PCSK7: variants seen among roughly 807,000 people sequenced by gnomAD.
PCSK7 encodes the protein lymphoma proprotein convertase.
Under a neutral mutation model 73.3 loss-of-function variants are expected in PCSK7, and 38 were observed. That is an observed-to-expected ratio of 0.52 (90% CI 0.40 to 0.68). The LOEUF (loss-of-function observed/expected upper bound fraction) is 0.68. Among genes scored for constraint, PCSK7 ranks in the 30% least tolerant of loss-of-function variants. The pLI is 0.00. For missense variants in PCSK7, 692 were observed against 991.5 expected (o/e 0.70, Z 4.06); for synonymous variants, 296 against 383.8 (o/e 0.77, Z 2.68).
At chr11:117,229,056 A>G (rs2032538505) in intron 3 of PCSK7, among the ~76,000 whole-genome samples, 2 of 152,188 alleles carry the variant, frequency 1.3e-5, no homozygotes. Flanking sequence ...GGTAGGCACT[A>G]TTACAATCTC....
At chr11:117,219,853 A>AG in intron 9 of PCSK7, 95 bp from the exon 10 acceptor site, 2 of 885,706 alleles carry the variant, frequency 2.3e-6, no homozygotes, top group Non-Finnish European at 3.3e-6. Context: ...TGGGAGGCCC[A>AG]GGCAGGAGGA....
chr11:117,216,078 A>G (rs963852023), intron 12 of PCSK7: 4 of 151,982 alleles, frequency 2.6e-5, no homozygotes, highest in Non-Finnish European at 5.9e-5. Context: ...GAGCGTAAAC[A>G]ATGCTCCTGC....
intron 6 of PCSK7, 93 bp downstream of exon 6, chr11:117,225,838 C>T (rs2032400672): frequency 1.3e-6 from 1 of 787,806 alleles, no homozygotes; most frequent in Non-Finnish European, 2.3e-6. Context: ...GACCCCTGCT[C>T]CGGCCTAAGT....
At position 117,215,364 on chromosome 11, in the gene PCSK7, T is replaced by TTTTTGTGTGTGTGTGTGTGTGTGTGTGTG. The variant is rs57433360; in HGVS notation, c.1534+3101_1534+3102insCACACACACACACACACACACACACAAAA. 9 of 84,920 alleles carry TTTTTGTGTGTGTGTGTGTGTGTGTGTGTG rather than the reference T, an allele frequency of 1.1e-4. 1 individual carries two copies. Among genetic ancestry groups the TTTTTGTGTGTGTGTGTGTGTGTGTGTGTG allele is most frequent in the Non-Finnish European group, 1.4e-4 (7 of 50,560 alleles). The allele number at this position is 84,920 out of a possible 1,614,324, so 5.3% of individuals were successfully genotyped here. A position where few individuals can be genotyped will look rare whatever the true frequency, so the allele number is the denominator to read the frequency against. On this transcript the variant is annotated intron_variant, in intron 12 of 16. Transcript: ENST00000320934. Reference sequence around the variant, plus strand: ...GCACGTGCCACCATGCCTGGCTAATTTGTGTGTGTGTGTGTGTATATATAT... The same window carrying TTTTTGTGTGTGTGTGTGTGTGTGTGTGTG: ...GCACGTGCCACCATGCCTGGCTAATTTTTTGTGTGTGTGTGTGTGTGTGTGTGTGTGTGTGTGTGTGTGTGTATATATAT...
At position 117,227,196 on chromosome 11, in the gene PCSK7, A is replaced by G. The variant is rs761703544; in HGVS notation, c.730T>C (p.Phe244Leu). 2 of 1,611,074 alleles carry G rather than the reference A, an allele frequency of 1.2e-6. No homozygotes were observed. The highest frequency in any genetic ancestry group is 3.4e-5 in the Admixed American group (2 of 59,560). Residue 244 changes from phenylalanine (F) to leucine (L), a missense_variant, in exon 5 of 17, where the codon TTC becomes CTC. Physicochemically the swap from Phe to Leu is conservative, Grantham distance 22 (BLOSUM62 0). This residue lies in a region of PCSK7 where 574 missense variants were observed against 689.8 expected (regional missense o/e 0.83). Coordinates refer to ENST00000320934, the MANE Select transcript of PCSK7 (RefSeq NM_004716.4). ...GEIAAVPNNS[F>L]CAVGVAYGSR... ...CCGTAGGCCACGCCCACGGCACAGA[A>G]GCTGTTGTTGGGCACAGCCGCGATC...
At chr11:117,225,644 G>A (rs1233570442) in intron 6 of PCSK7, 2 of 436,422 alleles carry the variant, frequency 4.6e-6, no homozygotes, top group Non-Finnish European at 4.2e-6. Flanking sequence ...CCTGTGGATG[G>A]AGAAGAAAGC....
At chr11:117,224,879 C>T in intron 6 of PCSK7, 124 bp from the exon 7 acceptor site, 2 of 741,316 alleles carry the variant, frequency 2.7e-6, no homozygotes, top group Non-Finnish European at 4.9e-6. Context: ...AAGGGTTCCA[C>T]TTAAAGGCTT....
At chr11:117,217,959 G>A (rs2032050730) in intron 12 of PCSK7, 1 of 152,400 alleles carries the variant, frequency 6.6e-6, no homozygotes, top group Non-Finnish European at 1.5e-5. Flanking sequence ...CGGAGGCAGA[G>A]GATGGGTCAC....
intron 1 of PCSK7, among the ~76,000 whole-genome samples, chr11:117,231,536 G>C (rs114049647): frequency 6.6e-6 from 1 of 152,176 alleles, no homozygotes; most frequent in African/African-American, 2.4e-5. Flanking sequence ...ACAGATGTCA[G>C]GAAGAAAGAG....
At chr11:117,209,847 G>GAAA in intron 12 of PCSK7, 1 of 136,216 alleles carries the variant, frequency 7.3e-6, no homozygotes, top group Non-Finnish European at 1.6e-5. Context: ...CTGTCTCAAA[G>GAAA]AAAAAAAAAA....
Position 117,229,850 on chromosome 11 carries a change from C to T in PCSK7, c.-6G>A. ...TTCTGCCTCCCCTTCGGCATCAGAG[C>T]AGTGGACTGCAGACAAAGAAAAAGG... On this transcript the variant is annotated 5_prime_UTR_variant, in exon 3 of 17. Coordinates refer to ENST00000320934, the MANE Select transcript of PCSK7 (RefSeq NM_004716.4). 1 of 1,501,296 alleles carries T rather than the reference C, an allele frequency of 6.7e-7. No individual in the cohort carries two copies. Among genetic ancestry groups the T allele is most frequent in the Non-Finnish European group, 8.9e-7 (1 of 1,117,650 alleles). The allele number at this position is 1,501,296 out of a possible 1,614,324, so 93.0% of individuals were successfully genotyped here. A position where few individuals can be genotyped will look rare whatever the true frequency, so the allele number is the denominator to read the frequency against.
At chr11:117,216,373 C>T (rs2031982049) in intron 12 of PCSK7, 1 of 151,982 alleles carries the variant, frequency 6.6e-6, no homozygotes, top group African/African-American at 2.4e-5. Context: ...TGGAAAACAA[C>T]CATAACTTGG....
rs149112096 is a variant in PCSK7 at position 117,226,887 on chromosome 11, C to T, written c.769+270G>A. The T allele has an allele frequency of 2.4e-3, 909 of 374,972 alleles. 4 individuals are homozygous for T. The highest frequency in any genetic ancestry group is 9.4e-3 in the South Asian group (231 of 24,492). The allele number at this position is 374,972 out of a possible 1,614,324, so 23.2% of individuals were successfully genotyped here. ...GAAATGCAAAGGCTGCCACCATAGA[C>T]GTATCGGATCATAGAGGAAAAACCG... On this transcript the variant is annotated intron_variant, in intron 5 of 16. Coordinates refer to ENST00000320934, the MANE Select transcript of PCSK7 (RefSeq NM_004716.4).
At chr11:117,216,726 G>C (rs932590509) in intron 12 of PCSK7, 1 of 152,016 alleles carries the variant, frequency 6.6e-6, no homozygotes, top group African/African-American at 2.4e-5. Context: ...AGGGCACCTG[G>C]CTCAACTCTC....
intron 6 of PCSK7, chr11:117,225,058 T>A (rs979034245): frequency 4.5e-6 from 1 of 220,056 alleles, no homozygotes; most frequent in Non-Finnish European, 8.9e-6. Flanking sequence ...TGTAGACCTT[T>A]TTTTTTTTTT....
In PCSK7 at chr11:117,206,099, C is replaced by G; in HGVS notation, c.2256G>C (p.Leu752=). ...PTTSDLLAPD[L]LEQGDWSLSQ... ...ACAGGCTCCAGTCCCCTTGCTCCAG[C>G]AGGTCTGGGGCAAGGAGGTCAGAGG... Residue 752 remains leucine, a synonymous_variant, in exon 17 of 17, where the codon CTG becomes CTC. Transcript: ENST00000320934. 6.4e-7 allele frequency: 1 copy of G among 1,570,690 alleles called. No homozygotes were observed. Among genetic ancestry groups the G allele is most frequent in the Non-Finnish European group, 8.7e-7 (1 of 1,146,836 alleles).
At position 117,218,526 on chromosome 11, in the gene PCSK7, C is replaced by T. The variant is rs143770986; in HGVS notation, c.1474G>A (p.Val492Met). Residue 492 changes from valine (V) to methionine (M), a missense_variant, in exon 12 of 17, where the codon GTG (valine) becomes ATG (methionine). Physicochemically the swap from Val to Met is conservative, Grantham distance 21 (BLOSUM62 1). Transcript: ENST00000320934. The surrounding 1 kb of genome is among the most constrained non-coding windows in gnomAD (Gnocchi z 4.0). Reference protein sequence around the residue: ...VPYLASYVSPVLKENKAIPQS... With the variant: ...VPYLASYVSPMLKENKAIPQS... ...GGAATCGCCTTGTTTTCTTTTAACA[C>T]GGGACTGACGTAGGATGCTAAGTAA... 871 of 1,609,994 alleles carry T rather than the reference C, an allele frequency of 5.4e-4. 3 individuals carry two copies. The highest frequency in any genetic ancestry group is 6.5e-4 in the Non-Finnish European group (768 of 1,178,042).
chr11:117,222,252 G>C (rs960226595), intron 9 of PCSK7: 1 of 152,176 alleles, frequency 6.6e-6, no homozygotes, highest in South Asian at 2.1e-4. Flanking sequence ...CTGGGATGGC[G>C]CTAAGCCCAG....
rs573079530 is a variant in PCSK7, at chr11:117,205,455, C to T, written c.*542G>A. On this transcript the variant is annotated 3_prime_UTR_variant, in exon 17 of 17. Transcript: ENST00000320934. The stretch of plus-strand genomic sequence containing the variant: ...GCTGTGCCGGCAGCATCATACCAAT[C>T]GTGGGGGTGGTGAAGGAGCCAGGGG... 1.7e-4 allele frequency: 39 copies of T among 233,948 alleles called. No homozygotes were observed. The highest frequency in any genetic ancestry group is 5.5e-4 in the African/African-American group (25 of 45,480). 14.5% of individuals were successfully genotyped at this position (233,948 alleles called of 1,614,324 possible). A position where few individuals can be genotyped will look rare whatever the true frequency, so the allele number is the denominator to read the frequency against.
Sources: gnomAD v4.1 joint callset for allele counts (sites outside exome capture counted in the v4.1 genomes callset) on GRCh38, gnomAD v4.1.1 for gene constraint, gnomAD v4.1.1 regional missense constraint, Gnocchi (gnomAD v3.1) non-coding constraint, MANE v1.5 for transcripts, NCBI Gene and HGNC (gene_info 2026-07-23, HGNC 2026-07-21) for gene names.